Variants in DPH6 observed in about 807,000 individuals in gnomAD.
DPH6 encodes diphthamine biosynthesis 6, also known as diphthine--ammonia ligase.
A neutral mutation model predicts 38.2 loss-of-function variants in DPH6; 33 were observed. The ratio of observed to expected loss-of-function variants is 0.86; its 90% confidence interval spans 0.65 to 1.15. The LOEUF (loss-of-function observed/expected upper bound fraction) is 1.15, where lower values mean the gene tolerates loss of function less well. Among genes scored for constraint, DPH6 ranks in the 50% most tolerant of loss-of-function variants. DPH6 has a pLI of 0.00. For synonymous variants in DPH6, 108 were observed against 103.0 expected (o/e 1.05, Z -0.30); for missense variants, 325 against 320.0 (o/e 1.02, Z -0.12).
intron 3 of DPH6, chr15:35,282,705 C>A: frequency 2.6e-6 from 1 of 380,750 alleles, no homozygotes; most frequent in South Asian, 2.5e-5. Context: ...ATTGATGTGC[C>A]ATGCCTTACG....
intron 5 of DPH6, among the ~76,000 whole-genome samples, chr15:35,423,599 T>TA (rs112908935): frequency 0.34 from 50,714 of 150,892 alleles, 10,022 homozygotes; most frequent in African/African-American, 0.56. Context: ...TGGTGTCATA[T>TA]AAAAAAAAAT....
At chr15:35,356,662 A>G (rs1291236530) in intron 3 of DPH6, among the ~76,000 whole-genome samples, 1 of 152,126 alleles carries the variant, frequency 6.6e-6, no homozygotes, top group African/African-American at 2.4e-5. Context: ...TCAGAGGAGT[A>G]CCTGGCCATG....
chr15:35,490,854 A>G (rs1046262113), intron 3 of DPH6, among the ~76,000 whole-genome samples: 1 of 152,196 alleles, frequency 6.6e-6, no homozygotes, highest in East Asian at 1.9e-4. Context: ...AAAGAACAGA[A>G]GTTTATTCAG....
At chr15:35,299,035 T>TA (rs2052035311) in intron 3 of DPH6, 2 of 721,018 alleles carry the variant, frequency 2.8e-6, no homozygotes, top group East Asian at 5.0e-5. Flanking sequence ...TGTCTGTATT[T>TA]ATGCCTTTCT....
chr15:35,345,161 G>C (rs756773772), intron 3 of DPH6, among the ~76,000 whole-genome samples: 24 of 151,694 alleles, frequency 1.6e-4, no homozygotes, highest in Non-Finnish European at 3.5e-4. Context: ...GAAAGTGGAA[G>C]GCAGCCTCAT....
intron 3 of DPH6, among the ~76,000 whole-genome samples, chr15:35,499,794 C>T (rs8036487): frequency 0.018 from 2,782 of 152,250 alleles, 87 homozygotes; most frequent in African/African-American, 0.062. Context: ...GGCAGGCCTG[C>T]CAGTTGGGAA....
At chr15:35,430,538 C>CAAA (rs112532049) in intron 5 of DPH6, among the ~76,000 whole-genome samples, 4 of 142,932 alleles carry the variant, frequency 2.8e-5, no homozygotes, top group African/African-American at 7.5e-5. Flanking sequence ...ATCCTGTAGC[C>CAAA]AAAAAAAAAA....
chr15:35,248,174 CCTT>C (rs2051648549), intron 3 of DPH6, among the ~76,000 whole-genome samples: 1 of 152,138 alleles, frequency 6.6e-6, no homozygotes, highest in South Asian at 2.1e-4. Context: ...TGGTTTCTGT[CCTT>C]CTCTTGCCCT....
At chr15:35,537,245 G>GA (rs2055183386) in intron 3 of DPH6, among the ~76,000 whole-genome samples, 1 of 152,068 alleles carries the variant, frequency 6.6e-6, no homozygotes, top group South Asian at 2.1e-4. Flanking sequence ...GGTAACTTCT[G>GA]AAAAAACTGA....
chr15:35,330,427 GA>G (rs2052318642), downstream of DPH6, among the ~76,000 whole-genome samples: 1 of 152,142 alleles, frequency 6.6e-6, no homozygotes, highest in African/African-American at 2.4e-5. Flanking sequence ...TATCTTGTAA[GA>G]GGGGCAAAGT....
chr15:35,178,535 C>T, the DPH6 span, among the ~76,000 whole-genome samples: 1 of 152,160 alleles, frequency 6.6e-6, no homozygotes, highest in Admixed American at 6.5e-5. Flanking sequence ...CCAGGTCCCT[C>T]CATGACACAT....
At chr15:35,190,174 T>C in the DPH6 span, among the ~76,000 whole-genome samples, 3 of 152,236 alleles carry the variant, frequency 2.0e-5, no homozygotes, top group African/African-American at 7.2e-5. Context: ...TTGGCAGTTC[T>C]GGTCTTAAGG....
intron 3 of DPH6, among the ~76,000 whole-genome samples, chr15:35,319,359 G>T (rs978574171): frequency 6.6e-6 from 1 of 152,052 alleles, no homozygotes; most frequent in African/African-American, 2.4e-5. Flanking sequence ...TATTGTTGTG[G>T]TTCAAGGTGA....
downstream of DPH6, among the ~76,000 whole-genome samples, chr15:35,329,456 C>G (rs1225696317): frequency 6.6e-6 from 1 of 152,060 alleles, no homozygotes; most frequent in East Asian, 1.9e-4. Context: ...ATTCTAAATA[C>G]CTGAATTTCT....
At chr15:35,274,845 G>A (rs887620363) in intron 3 of DPH6, among the ~76,000 whole-genome samples, 9 of 152,076 alleles carry the variant, frequency 5.9e-5, no homozygotes, top group Admixed American at 4.6e-4. Flanking sequence ...GATTCCTCAA[G>A]GATCTAGAAC....
At chr15:35,402,582 G>A (rs2053234833) in intron 6 of DPH6, among the ~76,000 whole-genome samples, 1 of 151,914 alleles carries the variant, frequency 6.6e-6, no homozygotes, top group Non-Finnish European at 1.5e-5. Flanking sequence ...CCTTCTCTTT[G>A]GAAAATGAGA....
intron 3 of DPH6, among the ~76,000 whole-genome samples, chr15:35,221,383 C>T (rs1595433611): frequency 6.6e-6 from 1 of 152,206 alleles, no homozygotes; most frequent in Non-Finnish European, 1.5e-5. Context: ...CATGGCTCCA[C>T]TAAGTACTGC....
intron 3 of DPH6, among the ~76,000 whole-genome samples, chr15:35,320,676 C>T (rs898080257): frequency 6.6e-6 from 1 of 152,166 alleles, no homozygotes; most frequent in Non-Finnish European, 1.5e-5. Context: ...TCTTTTCCTT[C>T]TTCGTGGAGT....
intron 3 of DPH6, among the ~76,000 whole-genome samples, chr15:35,261,775 G>A (rs1303525209): frequency 2.0e-5 from 3 of 151,468 alleles, no homozygotes; most frequent in African/African-American, 4.9e-5. Context: ...CGAGGCTTCA[G>A]TAAGCCCTGA....
Sources: allele counts gnomAD v4.1 joint callset (sites outside exome capture counted in the v4.1 genomes callset), GRCh38; gene constraint gnomAD v4.1.1; transcripts MANE v1.5; gene names NCBI Gene and HGNC (gene_info 2026-07-23, HGNC 2026-07-21).